The following DMXL2 variants were observed in gnomAD, a reference collection of about 807,000 sequenced individuals.
DMXL2 encodes dmX-like protein 2.
Under a neutral mutation model 331.1 loss-of-function variants are expected in DMXL2, and 103 were observed. The ratio of observed to expected loss-of-function variants is 0.31; its 90% confidence interval spans 0.27 to 0.37. The LOEUF (loss-of-function observed/expected upper bound fraction) is 0.37, where lower values mean the gene tolerates loss of function less well. Among genes scored for constraint, DMXL2 ranks in the 10% least tolerant of loss-of-function variants. DMXL2 has a pLI of 1.00. For synonymous variants in DMXL2, 1,281 were observed against 1,252.1 expected (o/e 1.02, Z -0.49); for missense variants, 3,171 against 3,642.9 (o/e 0.87, Z 3.33).
chr15:51,581,559 GTCTTCTCTAACT>G (rs2051421146), intron 1 of DMXL2, among the ~76,000 whole-genome samples: 1 of 152,094 alleles, frequency 6.6e-6, no homozygotes, highest in Admixed American at 6.6e-5. Flanking sequence ...CACTCATTCA[GTCTTCTCTAACT>G]TTAGTTTTAT....
At chr15:51,457,715 G>T in intron 36 of DMXL2, 1 of 379,758 alleles carries the variant, frequency 2.6e-6, no homozygotes, top group Admixed American at 4.3e-5. Context: ...TGAAACAAAA[G>T]TTTGTTGTTA....
intron 16 of DMXL2, among the ~76,000 whole-genome samples, chr15:51,505,904 T>A (rs1485981700): frequency 6.7e-6 from 1 of 149,258 alleles, no homozygotes; most frequent in African/African-American, 2.6e-5. Flanking sequence ...ATCCATGCAG[T>A]TCTTCATTTT....
rs549027074 is a variant in DMXL2, at chr15:51,560,250, T to C, written c.567+3131A>G. ...TGTGGATATTTTTGTAAAATCTTTATACTTCAAAAGTAGATACTGAAATAT... is the reference window on the plus strand; with the variant it reads ...TGTGGATATTTTTGTAAAATCTTTACACTTCAAAAGTAGATACTGAAATAT... On this transcript the variant is annotated intron_variant, in intron 6 of 43. Transcript: ENST00000560891. Among the ~76,000 whole-genome samples the C allele has an allele frequency of 3.9e-5, 6 of 152,270 alleles. No homozygotes were observed. The East Asian group carries it at 9.7e-4, about 25-fold the overall frequency.
At chr15:51,527,781 C>G (rs577112808) in intron 13 of DMXL2, among the ~76,000 whole-genome samples, 1 of 148,148 alleles carries the variant, frequency 6.8e-6, no homozygotes, top group Non-Finnish European at 1.5e-5. Context: ...AGTAAGTACA[C>G]AGAAAAACAC....
chr15:51,551,772 AG>A (rs2049236971), intron 6 of DMXL2, among the ~76,000 whole-genome samples: 1 of 152,252 alleles, frequency 6.6e-6, no homozygotes, highest in Non-Finnish European at 1.5e-5. Context: ...AGGAAGAGAC[AG>A]AAATAATAAA....
At chr15:51,507,612 AG>A (rs2046486130) in intron 15 of DMXL2, among the ~76,000 whole-genome samples, 1 of 152,144 alleles carries the variant, frequency 6.6e-6, no homozygotes, top group South Asian at 2.1e-4. Flanking sequence ...AAGAAAGCAA[AG>A]GAAAGAAAGC....
Position 51,578,721 on chromosome 15 carries a change from T to C in DMXL2, c.88-2540A>G, listed in dbSNP as rs781395097. ...AGGACATTCAGAGCCTCAGTATTTA[T>C]AGTAGCAAAAACTAAATATAATCAT... On this transcript the variant is annotated intron_variant, in intron 1 of 43. Coordinates refer to ENST00000560891, the MANE Select transcript of DMXL2 (RefSeq NM_001378457.1). Among the ~76,000 whole-genome samples the C allele has an allele frequency of 3.5e-4, 53 of 152,228 alleles. 1 individual carries two copies. Among genetic ancestry groups the C allele is most frequent in the Admixed American group, 1.3e-3 (20 of 15,280 alleles).
At chr15:51,522,191 A>T (rs1240703642) in intron 13 of DMXL2, among the ~76,000 whole-genome samples, 3 of 152,236 alleles carry the variant, frequency 2.0e-5, no homozygotes, top group African/African-American at 7.2e-5. Flanking sequence ...ATAGCCTGCT[A>T]AACATAAATC....
chr15:51,562,347 C>T (rs1468959889), intron 6 of DMXL2, among the ~76,000 whole-genome samples: 1 of 152,020 alleles, frequency 6.6e-6, no homozygotes, highest in African/African-American at 2.4e-5. Context: ...ACACGTAAGG[C>T]CTGAAAAAAT....
intron 18 of DMXL2, among the ~76,000 whole-genome samples, chr15:51,496,353 A>G (rs966367353): frequency 2.0e-5 from 3 of 152,238 alleles, no homozygotes; most frequent in African/African-American, 7.2e-5. Flanking sequence ...TGCTGGAGTA[A>G]GAGAGTTCTA....
chr15:51,622,768 A>C lies in DMXL2; in HGVS notation c.-223T>G. 3.9e-6 allele frequency: 3 copies of C among 776,518 alleles called. No individual in the cohort carries two copies. The highest frequency in any genetic ancestry group is 5.8e-6 in the Non-Finnish European group (3 of 513,874). 48.1% of individuals were successfully genotyped at this position (776,518 alleles called of 1,614,324 possible). A position where few individuals can be genotyped will look rare whatever the true frequency, so the allele number is the denominator to read the frequency against. Reference sequence around the variant, plus strand: ...CGCCCGGGTCGCCGCTCAGCTGCGGAAATGCCCGGATGTTCCCACTGCCTG... The same window carrying C: ...CGCCCGGGTCGCCGCTCAGCTGCGGCAATGCCCGGATGTTCCCACTGCCTG... On this transcript the variant is annotated 5_prime_UTR_variant, in exon 1 of 44. Transcript: ENST00000560891.
At chr15:51,577,419 T>G (rs2051121131) in intron 1 of DMXL2, among the ~76,000 whole-genome samples, 1 of 152,102 alleles carries the variant, frequency 6.6e-6, no homozygotes. Context: ...ATATAAAACA[T>G]CTTCAACCCA....
At chr15:51,457,284 C>T in intron 37 of DMXL2, 44 bp downstream of exon 37, 1 of 1,589,490 alleles carries the variant, frequency 6.3e-7, no homozygotes, top group African/African-American at 1.3e-5. Flanking sequence ...ACTGATTTTT[C>T]AGAGTCCAAA....
At chr15:51,449,234 G>C (rs2038920344) in intron 43 of DMXL2, 41 bp from the exon 44 acceptor site, 1 of 1,603,168 alleles carries the variant, frequency 6.2e-7, no homozygotes. Flanking sequence ...ATTACGAAAA[G>C]ACCAAAAGCA....
At chr15:51,452,544 T>C (rs771005401) in intron 41 of DMXL2, among the ~76,000 whole-genome samples, 6 of 152,132 alleles carry the variant, frequency 3.9e-5, no homozygotes, top group Non-Finnish European at 8.8e-5. Context: ...TCCAATACGA[T>C]ACCACCTTAT....
rs573315088 is a variant in DMXL2, at chr15:51,617,267, A to T, written c.87+5192T>A. Among the ~76,000 whole-genome samples the T allele has an allele frequency of 7.9e-5, 12 of 152,348 alleles. No individual in the cohort carries two copies. In the South Asian group the frequency reaches 2.5e-3, roughly 32 times the overall value. On this transcript the variant is annotated intron_variant, in intron 1 of 43. Coordinates refer to ENST00000560891, the MANE Select transcript of DMXL2 (RefSeq NM_001378457.1). ...AACTAAAATAAAGGCATTGCACGGG[A>T]AAAGGAAAGCTGCGAAAGGAGAACC...
At chr15:51,582,867 C>T (rs1361707790) in intron 1 of DMXL2, among the ~76,000 whole-genome samples, 2 of 151,582 alleles carry the variant, frequency 1.3e-5, no homozygotes, top group African/African-American at 4.8e-5. Flanking sequence ...ATGAAGTCAC[C>T]TTCTCATCCT....
At chr15:51,612,365 A>C (rs2054028118) in intron 1 of DMXL2, among the ~76,000 whole-genome samples, 1 of 152,222 alleles carries the variant, frequency 6.6e-6, no homozygotes. Flanking sequence ...AATTTAACTA[A>C]TTTATAGCTA....
At chr15:51,456,704 G>A (rs935740768) in intron 37 of DMXL2, among the ~76,000 whole-genome samples, 2 of 152,200 alleles carry the variant, frequency 1.3e-5, no homozygotes, top group African/African-American at 2.4e-5. Flanking sequence ...TCCAGCTACA[G>A]TGACAAGAAT....
Sources: gnomAD v4.1 joint callset for allele counts (sites outside exome capture counted in the v4.1 genomes callset) on GRCh38, gnomAD v4.1.1 for gene constraint, MANE v1.5 for transcripts, NCBI Gene and HGNC (gene_info 2026-07-23, HGNC 2026-07-21) for gene names.